The following ERBB4 variants were observed in gnomAD, a reference collection of about 807,000 sequenced individuals.
ERBB4 encodes the protein erb-b2 receptor tyrosine kinase 4.
A neutral mutation model predicts 158.0 loss-of-function variants in ERBB4; 42 were observed. That is an observed-to-expected ratio of 0.27 (90% CI 0.21 to 0.34). ERBB4 has a LOEUF of 0.34. Among genes scored for constraint, ERBB4 ranks in the 10% least tolerant of loss-of-function variants. ERBB4 has a pLI of 1.00. For missense variants in ERBB4, 1,333 were observed against 1,624.1 expected, an observed-to-expected ratio of 0.82 and a Z score of 3.08; for synonymous variants, 583 against 558.7, an observed-to-expected ratio of 1.04 and a Z score of -0.61.
At chr2:211,598,813 C>T (rs928459344) in intron 19 of ERBB4, among the ~76,000 whole-genome samples, 1 of 152,106 alleles carries the variant, frequency 6.6e-6, no homozygotes, top group Non-Finnish European at 1.5e-5. Flanking sequence ...AATGAACATT[C>T]TTTTTTCTTT....
At chr2:211,661,018 T>C (rs1319293596) in intron 15 of ERBB4, among the ~76,000 whole-genome samples, 1 of 151,916 alleles carries the variant, frequency 6.6e-6, no homozygotes, top group African/African-American at 2.4e-5. Flanking sequence ...GAGAAGCAAA[T>C]TGGAGATAGA....
At chr2:211,646,618 C>T (rs1165181403) in intron 16 of ERBB4, among the ~76,000 whole-genome samples, 1 of 151,628 alleles carries the variant, frequency 6.6e-6, no homozygotes, top group African/African-American at 2.4e-5. Flanking sequence ...ACTTGCACAG[C>T]TGCATAACTG....
chr2:212,188,235 C>CTCTCTCTCT (rs1559691606), intron 1 of ERBB4, among the ~76,000 whole-genome samples: 6 of 8,604 alleles, frequency 7.0e-4, no homozygotes, highest in African/African-American at 1.9e-3. Flanking sequence ...TCTCTCTCTC[C>CTCTCTCTCT]CCCCCCCTCT....
chr2:212,414,352 A>C (rs1185247377), intron 1 of ERBB4, among the ~76,000 whole-genome samples: 1 of 152,222 alleles, frequency 6.6e-6, no homozygotes, highest in African/African-American at 2.4e-5. Context: ...GGACTTTTAA[A>C]AATCAAAATG....
At chr2:212,385,206 A>G (rs1045262030) in intron 1 of ERBB4, among the ~76,000 whole-genome samples, 32 of 151,868 alleles carry the variant, frequency 2.1e-4, no homozygotes, top group Non-Finnish European at 4.1e-4. Flanking sequence ...TTTTTCTGCA[A>G]GATTTACTTC....
intron 3 of ERBB4, among the ~76,000 whole-genome samples, chr2:211,800,457 C>T (rs897991960): frequency 6.6e-6 from 1 of 151,914 alleles, no homozygotes; most frequent in East Asian, 1.9e-4. Context: ...GAAAGGAAAG[C>T]GTGAGTAATC....
intron 2 of ERBB4, among the ~76,000 whole-genome samples, chr2:211,998,080 G>A (rs990489371): frequency 5.9e-5 from 9 of 151,862 alleles, no homozygotes; most frequent in East Asian, 1.9e-4. Flanking sequence ...TATACCTAAC[G>A]TTAAATGATG....
chr2:212,090,906 A>G lies in ERBB4; in HGVS notation c.234+33846T>C, dbSNP rs1039084187. Among the ~76,000 whole-genome samples, 13 of 152,310 alleles carry G rather than the reference A, an allele frequency of 8.5e-5. No homozygotes were observed. The East Asian group carries it at 2.1e-3, about 25-fold the overall frequency. On this transcript the variant is annotated intron_variant, in intron 2 of 27. Transcript: ENST00000342788. ...GTTAAAACTGAACTAATGTGATGAC[A>G]TGTGCAATTCTTCTTTTTTCTAACA...
chr2:211,759,806 AGTGT>A (rs67981670), intron 4 of ERBB4, among the ~76,000 whole-genome samples: 1,505 of 150,028 alleles, frequency 0.01, 14 homozygotes, highest in East Asian at 0.02. Context: ...CATTTTCTAG[AGTGT>A]GTGTGTGTGT....
At chr2:212,346,539 T>A (rs934302170) in intron 1 of ERBB4, among the ~76,000 whole-genome samples, 2 of 135,358 alleles carry the variant, frequency 1.5e-5, no homozygotes, top group Non-Finnish European at 1.5e-5. Context: ...ATGTTTTAAA[T>A]GTTTTAATGT....
intron 19 of ERBB4, among the ~76,000 whole-genome samples, chr2:211,581,949 G>T (rs1012490722): frequency 1.4e-4 from 22 of 152,086 alleles, no homozygotes; most frequent in African/African-American, 5.1e-4. Context: ...GGCGGAGGTT[G>T]CAGTGAGCCA....
intron 20 of ERBB4, among the ~76,000 whole-genome samples, chr2:211,434,618 T>C (rs2063812215): frequency 6.6e-6 from 1 of 152,144 alleles, no homozygotes; most frequent in African/African-American, 2.4e-5. Context: ...CAAGAAAAAT[T>C]TCAAAAACTC....
At position 211,408,481 on chromosome 2, in the gene ERBB4, G is replaced by C. The variant is rs538565598; in HGVS notation, c.3135+11960C>G. On this transcript the variant is annotated intron_variant, in intron 25 of 27. Transcript: ENST00000342788. ...CTGTTCAGAAAGGCTTCTCGTGCCA[G>C]CTGATAGTTGCTCAAGTGTAAAATA... is the stretch of plus-strand genomic sequence containing the variant. Among the ~76,000 whole-genome samples, 22 of 152,296 alleles carry C rather than the reference G, an allele frequency of 1.4e-4. No homozygotes were observed. The South Asian group carries it at 4.4e-3, about 30-fold the overall frequency.
intron 2 of ERBB4, among the ~76,000 whole-genome samples, chr2:211,980,730 A>G (rs966524759): frequency 6.6e-6 from 1 of 152,156 alleles, no homozygotes; most frequent in African/African-American, 2.4e-5. Flanking sequence ...TATTTTATAG[A>G]TGCTTTGTTT....
intron 3 of ERBB4, among the ~76,000 whole-genome samples, chr2:211,846,052 G>GGTTT (rs1553644347): frequency 6.9e-6 from 1 of 145,666 alleles, no homozygotes; most frequent in African/African-American, 2.5e-5. Context: ...GTTAATTGTT[G>GGTTT]TTTTTTTTTT....
chr2:212,080,693 AAC>A (rs1454880918), intron 2 of ERBB4, among the ~76,000 whole-genome samples: 4 of 142,008 alleles, frequency 2.8e-5, no homozygotes, highest in East Asian at 2.3e-4. Context: ...AAAAAAAAAA[AAC>A]CTCTTTATAT....
chr2:211,669,565 G>C (rs2071760684), intron 14 of ERBB4, among the ~76,000 whole-genome samples: 1 of 152,044 alleles, frequency 6.6e-6, no homozygotes, highest in Non-Finnish European at 1.5e-5. Flanking sequence ...AAAGCAGAGT[G>C]AATAAAATTA....
At chr2:211,905,911 G>A (rs559328885) in intron 3 of ERBB4, among the ~76,000 whole-genome samples, 1 of 151,588 alleles carries the variant, frequency 6.6e-6, no homozygotes, top group East Asian at 2.0e-4. Context: ...AGGCACCAAA[G>A]AGGTAGGGTG....
intron 20 of ERBB4, among the ~76,000 whole-genome samples, chr2:211,457,637 G>A (rs1324835701): frequency 6.6e-6 from 1 of 152,154 alleles, no homozygotes; most frequent in Non-Finnish European, 1.5e-5. Context: ...TGAGGGTCGT[G>A]GAGGAAGAAC....
Sources: allele counts gnomAD v4.1 joint callset (sites outside exome capture counted in the v4.1 genomes callset), GRCh38; gene constraint gnomAD v4.1.1; transcripts MANE v1.5; gene names NCBI Gene and HGNC (gene_info 2026-07-23, HGNC 2026-07-21).